GPR158: variants seen among roughly 807,000 people sequenced by gnomAD.
GPR158 encodes G protein-coupled receptor 158, also known as metabotropic glycine receptor.
A neutral mutation model predicts 78.2 loss-of-function variants in GPR158; 30 were observed. The ratio of observed to expected loss-of-function variants is 0.38; its 90% CI spans 0.29 to 0.52. The LOEUF (loss-of-function observed/expected upper bound fraction) is 0.52, where lower values mean the gene tolerates loss of function less well. Among genes scored for constraint, GPR158 ranks in the 20% least tolerant of loss-of-function variants. The probability of loss-of-function intolerance (pLI) is 0.83; values close to 1 mark genes in which losing one functional copy is unlikely to be tolerated. For synonymous variants in GPR158, 581 were observed against 591.1 expected, an observed-to-expected ratio of 0.98 and a Z score of 0.25; for missense variants, 1,463 against 1,523.5, an observed-to-expected ratio of 0.96 and a Z score of 0.66.
At chr10:25,505,463 G>A (rs1329720607) in intron 5 of GPR158, among the ~76,000 whole-genome samples, 1 of 152,114 alleles carries the variant, frequency 6.6e-6, no homozygotes, top group Non-Finnish European at 1.5e-5. Context: ...AAGTCCCTAT[G>A]GTTTCTCTCA....
intron 2 of GPR158, among the ~76,000 whole-genome samples, chr10:25,385,625 A>T (rs990846504): frequency 2.6e-5 from 4 of 152,100 alleles, no homozygotes; most frequent in Admixed American, 1.3e-4. Context: ...CCTCAGAAAC[A>T]TTTATTATTA....
At chr10:25,241,351 TTTTCTTTTCTCTTTTCTTTTC>T (rs1853621565) in intron 2 of GPR158, among the ~76,000 whole-genome samples, 1 of 138,466 alleles carries the variant, frequency 7.2e-6, no homozygotes, top group African/African-American at 3.1e-5. Context: ...CTCTTTTCTC[TTTTCTTTTCTCTTTTCTTTTC>T]TCTCTTCTCT....
intron 5 of GPR158, among the ~76,000 whole-genome samples, chr10:25,539,398 G>T (rs1366511318): frequency 1.3e-5 from 2 of 152,078 alleles, no homozygotes; most frequent in Non-Finnish European, 2.9e-5. Flanking sequence ...GAGGCCTGTG[G>T]TGTTTTATTT....
chr10:25,187,910 A>C (rs1852710913), intron 1 of GPR158, among the ~76,000 whole-genome samples: 1 of 152,192 alleles, frequency 6.6e-6, no homozygotes, highest in South Asian at 2.1e-4. Flanking sequence ...AAATCTCCGT[A>C]AGCTGATAAG....
intron 5 of GPR158, among the ~76,000 whole-genome samples, chr10:25,541,548 T>G (rs1836584080): frequency 6.6e-6 from 1 of 151,996 alleles, no homozygotes. Context: ...TTATGTCTTT[T>G]GTGCACCTGT....
At chr10:25,207,669 C>G (rs1853062405) in intron 1 of GPR158, among the ~76,000 whole-genome samples, 1 of 152,124 alleles carries the variant, frequency 6.6e-6, no homozygotes, top group African/African-American at 2.4e-5. Context: ...CGGCCTGGTT[C>G]CTCACAGGAC....
chr10:25,296,332 G>C (rs1854513184), intron 2 of GPR158, among the ~76,000 whole-genome samples: 1 of 152,118 alleles, frequency 6.6e-6, no homozygotes, highest in Admixed American at 6.5e-5. Context: ...AACAGTCACA[G>C]GTGCAGGTGC....
chr10:25,283,555 T>A (rs1481411827), intron 2 of GPR158, among the ~76,000 whole-genome samples: 1 of 152,016 alleles, frequency 6.6e-6, no homozygotes, highest in Non-Finnish European at 1.5e-5. Flanking sequence ...TGTTAATCTT[T>A]TAAAATAACT....
chr10:25,341,820 T>C (rs1322655100), intron 2 of GPR158, among the ~76,000 whole-genome samples: 2 of 151,254 alleles, frequency 1.3e-5, no homozygotes, highest in Non-Finnish European at 2.9e-5. Context: ...GTCCATCCTT[T>C]ATATGTATTC....
intron 4 of GPR158, among the ~76,000 whole-genome samples, chr10:25,443,180 G>A (rs893247699): frequency 2.6e-5 from 4 of 151,978 alleles, no homozygotes; most frequent in South Asian, 2.1e-4. Flanking sequence ...AAATTCCTGG[G>A]TTCAAGTGAT....
intron 4 of GPR158, among the ~76,000 whole-genome samples, chr10:25,459,828 T>C (rs1297621432): frequency 6.6e-6 from 1 of 151,654 alleles, no homozygotes; most frequent in Non-Finnish European, 1.5e-5. Flanking sequence ...ATAATATAAT[T>C]TGACATATTT....
In GPR158 at chr10:25,601,363, C is replaced by G. The variant is rs116313012; in HGVS notation, c.*2089C>G. The stretch of plus-strand genomic sequence containing the variant: ...TTTATTTCTTTTATCTCTTCCTTTT[C>G]AATGAAGGCCTATATGCTTGGTGAC... On this transcript the variant is annotated 3_prime_UTR_variant, in exon 11 of 11. Coordinates refer to ENST00000376351, the MANE Select transcript of GPR158 (RefSeq NM_020752.3). The G allele has an allele frequency of 2.9e-3, 448 of 152,666 alleles. 1 individual carries two copies. The highest frequency in any genetic ancestry group is 0.01 in the African/African-American group (423 of 41,544). 9.5% of individuals were successfully genotyped at this position (152,666 alleles called of 1,614,324 possible).
chr10:25,561,173 C>T (rs1836855308), intron 6 of GPR158, among the ~76,000 whole-genome samples: 1 of 152,182 alleles, frequency 6.6e-6, no homozygotes, highest in South Asian at 2.1e-4. Flanking sequence ...TGCTATTATG[C>T]AACCATCTGT....
At chr10:25,287,836 A>G (rs1241400484) in intron 2 of GPR158, among the ~76,000 whole-genome samples, 1 of 152,074 alleles carries the variant, frequency 6.6e-6, no homozygotes, top group Non-Finnish European at 1.5e-5. Flanking sequence ...TTGAGGTTGG[A>G]AGCAATGCCC....
intron 2 of GPR158, among the ~76,000 whole-genome samples, chr10:25,298,350 A>G (rs1564414674): frequency 1.3e-5 from 2 of 152,346 alleles, no homozygotes; most frequent in East Asian, 3.9e-4. Context: ...CTTTTAAAAC[A>G]GGTCTTTTCT....
chr10:25,376,592 TA>T (rs915074722), intron 2 of GPR158, among the ~76,000 whole-genome samples: 1 of 151,738 alleles, frequency 6.6e-6, no homozygotes, highest in African/African-American at 2.4e-5. Flanking sequence ...CATTGCTTTT[TA>T]TTCCCTTTTG....
rs12776630 is a variant in GPR158, at chr10:25,424,718, C to G, written c.1335+12245C>G. 4.6e-3 allele frequency among the ~76,000 whole-genome samples: 703 copies of G among 151,642 alleles called. 2 individuals are homozygous for G. Among genetic ancestry groups the G allele is most frequent in the Middle Eastern group, 0.01 (3 of 294 alleles). ...TAGATATGTGGTGTTATTTCTGAGGCCTCTGTTCTGTTCCATTGATCTATA... is the reference window on the plus strand; with the variant it reads ...TAGATATGTGGTGTTATTTCTGAGGGCTCTGTTCTGTTCCATTGATCTATA... On this transcript the variant is annotated intron_variant, in intron 4 of 10. Transcript: ENST00000376351.
chr10:25,573,692 A>G (rs1837045920), intron 7 of GPR158, among the ~76,000 whole-genome samples: 2 of 152,230 alleles, frequency 1.3e-5, no homozygotes, highest in South Asian at 4.1e-4. Flanking sequence ...TGTATTTGGC[A>G]GATATAAAAG....
chr10:25,410,075 A>G (rs1314835416), intron 3 of GPR158, among the ~76,000 whole-genome samples: 2 of 152,094 alleles, frequency 1.3e-5, no homozygotes, highest in Non-Finnish European at 2.9e-5. Context: ...AGTAAATTGC[A>G]TTTCTTTTAT....
Sources: allele counts gnomAD v4.1 joint callset (sites outside exome capture counted in the v4.1 genomes callset), GRCh38; gene constraint gnomAD v4.1.1; transcripts MANE v1.5; gene names NCBI Gene and HGNC (gene_info 2026-07-23, HGNC 2026-07-21).